DMD: variants seen among roughly 807,000 people sequenced by gnomAD.
DMD encodes dystrophin.
DMD carries 63 observed loss-of-function variants against 330.1 expected under a neutral mutation model. That is an observed-to-expected ratio of 0.19 (90% CI 0.16 to 0.24). The LOEUF is 0.24. Ranked by LOEUF, DMD falls within the 10% of genes least tolerant of loss-of-function variation. The probability of loss-of-function intolerance (pLI) is 1.00; values close to 1 mark genes in which losing one functional copy is unlikely to be tolerated. For missense variants in DMD, 3,344 were observed against 2,684.1 expected, an observed-to-expected ratio of 1.25 and a Z score of -5.43; for synonymous variants, 1,223 against 959.8, an observed-to-expected ratio of 1.27 and a Z score of -5.07.
At chrX:31,713,426 T>A (rs2084793755) in intron 52 of DMD, among the ~76,000 whole-genome samples, 1 of 111,897 alleles carries the variant, frequency 8.9e-6, no homozygotes, top group Non-Finnish European at 1.9e-5. Context: ...TCTTTGCTTG[T>A]ACCTCTAATT....
At chrX:32,238,998 T>A (rs909121499) in intron 43 of DMD, among the ~76,000 whole-genome samples, 1 of 112,043 alleles carries the variant, frequency 8.9e-6, no homozygotes, top group African/African-American at 3.2e-5. Context: ...ATCTATTATT[T>A]GAATGTTGGA....
chrX:32,344,797 C>T (rs2097758594), intron 39 of DMD, among the ~76,000 whole-genome samples: 2 of 111,773 alleles, frequency 1.8e-5, no homozygotes, highest in Admixed American at 1.9e-4. Context: ...ATCATACGAC[C>T]AGTGTAGATA....
At chrX:31,872,785 A>T (rs2093913011) in intron 48 of DMD, among the ~76,000 whole-genome samples, 1 of 111,472 alleles carries the variant, frequency 9.0e-6, no homozygotes, top group Non-Finnish European at 1.9e-5. Flanking sequence ...GTTATTGTGT[A>T]TTGGGCCAAG....
intron 7 of DMD, among the ~76,000 whole-genome samples, chrX:32,782,778 G>A (rs1448333795): frequency 1.8e-5 from 2 of 109,354 alleles, no homozygotes; most frequent in Non-Finnish European, 3.8e-5. Flanking sequence ...TAACTCAAAG[G>A]ATAAATGCTT....
At chrX:32,209,002 T>C (rs1230786784) in intron 44 of DMD, among the ~76,000 whole-genome samples, 1 of 111,921 alleles carries the variant, frequency 8.9e-6, no homozygotes, top group East Asian at 2.8e-4. Context: ...AAGTATCATT[T>C]TTAAATTTAT....
chrX:32,155,721 C>CCTTTTTCTGTGT, intron 44 of DMD, among the ~76,000 whole-genome samples: 1 of 111,561 alleles, frequency 9.0e-6, no homozygotes, highest in Non-Finnish European at 1.9e-5. Context: ...AGACCTGATA[C>CCTTTTTCTGTGT]TTTAAGGAAG....
At chrX:31,472,941 G>A (rs1351266954) in intron 59 of DMD, among the ~76,000 whole-genome samples, 2 of 112,340 alleles carry the variant, frequency 1.8e-5, no homozygotes, top group Non-Finnish European at 3.8e-5. Context: ...CATATTCCAA[G>A]ATGGCAGCCT....
intron 48 of DMD, among the ~76,000 whole-genome samples, chrX:31,845,375 G>GTCTCTCTCTCTCTCTCTCTCTCTCTC (rs535397626): frequency 3.3e-5 from 2 of 60,097 alleles, no homozygotes; most frequent in Non-Finnish European, 6.4e-5. Flanking sequence ...ACAGAATAAA[G>GTCTCTCTCTCTCTCTCTCTCTCTCTC]TCTCTCTCTC....
intron 48 of DMD, among the ~76,000 whole-genome samples, chrX:31,861,526 T>C (rs757527824): frequency 2.8e-5 from 3 of 107,127 alleles, no homozygotes; most frequent in South Asian, 4.3e-4. Flanking sequence ...GGCTCACTAA[T>C]TGGAGTGCTG....
intron 44 of DMD, among the ~76,000 whole-genome samples, chrX:32,033,740 G>A (rs1463658616): frequency 3.6e-5 from 4 of 111,157 alleles, no homozygotes; most frequent in African/African-American, 3.3e-5. Flanking sequence ...ATTCTAAATC[G>A]AATCTAGATG....
chrX:31,208,117 G>A (rs770786486), intron 65 of DMD, among the ~76,000 whole-genome samples: 2 of 111,539 alleles, frequency 1.8e-5, no homozygotes, highest in African/African-American at 3.3e-5. Flanking sequence ...AGAATAATTC[G>A]CCTATTAGCA....
chrX:32,857,564 T>C (rs993197122), intron 2 of DMD, among the ~76,000 whole-genome samples: 2 of 112,220 alleles, frequency 1.8e-5, no homozygotes, highest in African/African-American at 6.5e-5. Flanking sequence ...AATGTGTCCA[T>C]TGTTGAAGAA....
chrX:31,879,814 A>G (rs759611439), intron 47 of DMD, among the ~76,000 whole-genome samples: 5 of 112,460 alleles, frequency 4.4e-5, no homozygotes, highest in African/African-American at 1.6e-4. Flanking sequence ...GGTTTGTATC[A>G]GATTCTATGT....
rs774869669 is a variant in DMD, at chrX:32,422,774, AT to A, written c.4072-10862del. 2.6e-3 allele frequency among the ~76,000 whole-genome samples: 290 copies of A among 111,155 alleles called. 3 individuals carry two copies. Among genetic ancestry groups the A allele is most frequent in the African/African-American group, 8.1e-3 (248 of 30,708 alleles). On this transcript the variant is annotated intron_variant, in intron 29 of 78. Coordinates refer to ENST00000357033, the MANE Select transcript of DMD (RefSeq NM_004006.3). ...TTTAACATTCCCTTTTCCATTTATC[AT>A]TTTTTTTAAAAAAATAAACATTTTC...
intron 78 of DMD, among the ~76,000 whole-genome samples, chrX:31,123,307 A>G (rs2033092745): frequency 8.9e-6 from 1 of 112,228 alleles, no homozygotes; most frequent in African/African-American, 3.2e-5. Flanking sequence ...TATTAGTGCA[A>G]AGAATTTCAT....
At position 32,816,647 on chromosome X, in the gene DMD, G is replaced by A. The variant is rs192050146; in HGVS notation, c.358-7C>T. On this transcript the variant is annotated splice_polypyrimidine_tract_variant and splice_region_variant and intron_variant, in intron 5 of 78. Transcript: ENST00000357033. ...TTTTCATTACATTTTTGACCTACAT[G>A]TGGAAATAAATTTTCATAAGAAAAT... The A allele has an allele frequency of 5.8e-6, 7 of 1,207,291 alleles. No individual in the cohort carries two copies. In the East Asian group the frequency reaches 1.5e-4, roughly 26 times the overall value.
chrX:33,150,987 T>C (rs929043045), intron 1 of DMD, among the ~76,000 whole-genome samples: 7 of 111,777 alleles, frequency 6.3e-5, no homozygotes, highest in Non-Finnish European at 1.3e-4. Context: ...ATATCAACAT[T>C]TTAAAACTAT....
intron 27 of DMD, among the ~76,000 whole-genome samples, chrX:32,443,599 C>CT (rs1345647736): frequency 1.8e-5 from 2 of 110,798 alleles, no homozygotes; most frequent in Non-Finnish European, 3.8e-5. Context: ...AATGAACTAC[C>CT]TTGCTGATTT....
chrX:33,150,633 C>T (rs1000250854), intron 1 of DMD, among the ~76,000 whole-genome samples: 5 of 108,828 alleles, frequency 4.6e-5, no homozygotes, highest in African/African-American at 1.7e-4. Context: ...TGAACACACT[C>T]TCACCTGAGA....
Sources: allele counts gnomAD v4.1 joint callset (sites outside exome capture counted in the v4.1 genomes callset), GRCh38; gene constraint gnomAD v4.1.1; transcripts MANE v1.5; gene names NCBI Gene and HGNC (gene_info 2026-07-23, HGNC 2026-07-21).